OTUD7A: variants seen among roughly 807,000 people sequenced by gnomAD.
OTUD7A encodes the protein OTU deubiquitinase 7A.
Under a neutral mutation model 65.7 loss-of-function variants are expected in OTUD7A, and 12 were observed. The ratio of observed to expected loss-of-function variants is 0.18; its 90% CI spans 0.12 to 0.30. The LOEUF (loss-of-function observed/expected upper bound fraction) is 0.30. Among genes scored for constraint, OTUD7A ranks in the 10% least tolerant of loss-of-function variants. The pLI is 1.00. For missense variants in OTUD7A, 1,148 were observed against 1,304.8 expected, an observed-to-expected ratio of 0.88 and a Z score of 1.85; for synonymous variants, 641 against 586.3, an observed-to-expected ratio of 1.09 and a Z score of -1.35.
At chr15:31,588,936 C>T (rs1889630849) in intron 3 of OTUD7A, among the ~76,000 whole-genome samples, 1 of 152,224 alleles carries the variant, frequency 6.6e-6, no homozygotes, top group Non-Finnish European at 1.5e-5. Flanking sequence ...CCTCCTCAGG[C>T]AGCCTATGAT....
intron 5 of OTUD7A, 64 bp from the exon 6 acceptor site, chr15:31,530,872 C>T: frequency 7.4e-7 from 1 of 1,360,324 alleles, no homozygotes; most frequent in Non-Finnish European, 1.0e-6. Flanking sequence ...GGGGTGTTTG[C>T]TAAGGAGGCA....
rs746991793 is a variant in OTUD7A at position 31,481,741 on chromosome 15, GCC to G, written c.*1551_*1552del. Reference sequence around the variant, plus strand: ...TCAAACAAGTAAAAAAAATCCCCTCGCCCCCCCTTTTTTTTTGTTTTTGCTGC... The same window carrying G: ...TCAAACAAGTAAAAAAAATCCCCTCGCCCCCTTTTTTTTTGTTTTTGCTGC... On this transcript the variant is annotated 3_prime_UTR_variant, in exon 13 of 13. Transcript: ENST00000307050. 2 of 150,754 alleles carry G rather than the reference GCC, an allele frequency of 1.3e-5. No individual in the cohort carries two copies. The highest frequency in any genetic ancestry group is 1.3e-4 in the Admixed American group (2 of 15,134). 9.3% of individuals were successfully genotyped at this position (150,754 alleles called of 1,614,324 possible). A position where few individuals can be genotyped will look rare whatever the true frequency, so the allele number is the denominator to read the frequency against.
intron 1 of OTUD7A, among the ~76,000 whole-genome samples, chr15:31,742,757 C>T (rs755246266): frequency 1.3e-5 from 2 of 151,824 alleles, no homozygotes; most frequent in African/African-American, 2.4e-5. Context: ...ACATAGGTAG[C>T]GCGAATGAAA....
intron 1 of OTUD7A, among the ~76,000 whole-genome samples, chr15:31,790,161 A>G (rs571660736): frequency 8.1e-4 from 123 of 152,312 alleles, no homozygotes; most frequent in Non-Finnish European, 1.5e-3. Flanking sequence ...GTCAGGAACA[A>G]CAGCAACCAG....
chr15:31,635,068 G>C (rs1255109548), intron 3 of OTUD7A, among the ~76,000 whole-genome samples: 1 of 152,176 alleles, frequency 6.6e-6, no homozygotes, highest in Non-Finnish European at 1.5e-5. Flanking sequence ...GTCCTTAGTG[G>C]TTCTTGGTTT....
intron 1 of OTUD7A, among the ~76,000 whole-genome samples, chr15:31,662,282 C>T (rs1292495238): frequency 1.3e-5 from 2 of 152,200 alleles, no homozygotes; most frequent in South Asian, 2.1e-4. Flanking sequence ...GTGGTAGACA[C>T]CTAATAGAAA....
At chr15:31,581,929 A>T (rs1889385140) in intron 3 of OTUD7A, among the ~76,000 whole-genome samples, 1 of 152,190 alleles carries the variant, frequency 6.6e-6, no homozygotes, top group African/African-American at 2.4e-5. Flanking sequence ...TCAGACTGCA[A>T]ATTTTCCAAA....
chr15:31,624,606 A>G (rs577459979), intron 3 of OTUD7A, among the ~76,000 whole-genome samples: 9 of 152,340 alleles, frequency 5.9e-5, no homozygotes, highest in Admixed American at 1.3e-4. Flanking sequence ...AATATTCATA[A>G]CTGTCCTCTG....
chr15:31,643,565 C>T (rs1464666455), intron 3 of OTUD7A, among the ~76,000 whole-genome samples: 2 of 152,102 alleles, frequency 1.3e-5, no homozygotes, highest in African/African-American at 4.8e-5. Context: ...GTTATAATAA[C>T]TTTTAGTGCC....
In OTUD7A at chr15:31,484,163, C is replaced by T; in HGVS notation, c.1933G>A (p.Ala645Thr). The T allele has an allele frequency of 1.9e-6, 3 of 1,610,360 alleles. No individual in the cohort carries two copies. The highest frequency in any genetic ancestry group is 2.5e-6 in the Non-Finnish European group (3 of 1,179,526). The change falls in exon 13 of 13, where the codon GCC becomes ACC. Residue 645 changes from alanine (A) to threonine (T), a missense_variant. Transcript: ENST00000307050. The surrounding 1 kb of genome is among the most constrained non-coding windows in gnomAD (Gnocchi z 4.5). Reference protein sequence around the residue: ...AMQGERKFIFAGLLLTSHRHQ... With the variant: ...AMQGERKFIFTGLLLTSHRHQ... ...CGGTGGCTGGTGAGCAGCAGGCCGG[C>T]GAAGATGAACTTGCGCTCCCCCTGC...
At position 31,484,843 on chromosome 15, in the gene OTUD7A, C is replaced by T; in HGVS notation, c.1372-119G>A. 6.9e-7 allele frequency: 1 copy of T among 1,458,854 alleles called. No homozygotes were observed. Among genetic ancestry groups the T allele is most frequent in the East Asian group, 2.5e-5 (1 of 40,490 alleles). 90.4% of individuals were successfully genotyped at this position (1,458,854 alleles called of 1,614,324 possible). Reference sequence around the variant, plus strand: ...GCTAGGGCCCTGGACCTTCACTGTCCCAGTCCCCACTGTCGCTCTGGTGAC... The same window carrying T: ...GCTAGGGCCCTGGACCTTCACTGTCTCAGTCCCCACTGTCGCTCTGGTGAC... On this transcript the variant is annotated intron_variant, in intron 12 of 12. Transcript: ENST00000307050. This position sits in a 1 kb window ranked among gnomAD's most constrained non-coding sequence, Gnocchi z 4.5.
intron 1 of OTUD7A, among the ~76,000 whole-genome samples, chr15:31,663,489 G>A (rs113305841): frequency 7.8e-6 from 1 of 128,916 alleles, no homozygotes; most frequent in African/African-American, 3.0e-5. Flanking sequence ...CTGTGTCCAT[G>A]TGTTCTCATT....
At chr15:31,679,691 C>T (rs1892669029) in intron 1 of OTUD7A, among the ~76,000 whole-genome samples, 1 of 152,204 alleles carries the variant, frequency 6.6e-6, no homozygotes. Context: ...CTGAGGACTC[C>T]TCAGCCATGC....
Position 31,817,275 on chromosome 15 carries a change from GC to G in OTUD7A, c.-100+53231del, listed in dbSNP as rs71424623. Among the ~76,000 whole-genome samples the G allele has an allele frequency of 3.0e-4, 43 of 143,674 alleles. No homozygotes were observed. In the South Asian group the frequency reaches 4.0e-3, roughly 13 times the overall value. 94.3% of individuals were successfully genotyped at this position (143,674 alleles called of 152,430 possible). A position where few individuals can be genotyped will look rare whatever the true frequency, so the allele number is the denominator to read the frequency against. ...TGTATTACACCACCCTAGATCATTT[GC>G]CCCCCCCCATCACTCATGGCTTATC... On this transcript the variant is annotated intron_variant, in intron 1 of 12. Transcript: ENST00000307050.
At chr15:31,640,092 T>A (rs1891466219) in intron 3 of OTUD7A, among the ~76,000 whole-genome samples, 1 of 152,196 alleles carries the variant, frequency 6.6e-6, no homozygotes, top group South Asian at 2.1e-4. Context: ...TAAGACAAGG[T>A]TAAAAAGATT....
At chr15:31,730,720 C>T (rs984907452) in intron 1 of OTUD7A, among the ~76,000 whole-genome samples, 1 of 152,194 alleles carries the variant, frequency 6.6e-6, no homozygotes, top group African/African-American at 2.4e-5. Flanking sequence ...GGGCAGGATA[C>T]TCAGGCTTCC....
chr15:31,792,316 G>A (rs969388546), intron 1 of OTUD7A, among the ~76,000 whole-genome samples: 6 of 152,052 alleles, frequency 3.9e-5, no homozygotes, highest in Non-Finnish European at 2.9e-5. Context: ...CACAGAAACC[G>A]GATGCCATCA....
intron 1 of OTUD7A, among the ~76,000 whole-genome samples, chr15:31,831,242 A>C (rs7170850): frequency 0.098 from 14,850 of 152,268 alleles, 1,220 homozygotes; most frequent in East Asian, 0.47. Flanking sequence ...AGCATAGGCA[A>C]AAGTTTCTTA....
At chr15:31,782,627 C>T (rs999782102) in intron 1 of OTUD7A, among the ~76,000 whole-genome samples, 2 of 152,142 alleles carry the variant, frequency 1.3e-5, no homozygotes, top group African/African-American at 4.8e-5. Flanking sequence ...TGGCCAGAGG[C>T]GCTGGGACCC....
Sources: gnomAD v4.1 joint callset for allele counts (sites outside exome capture counted in the v4.1 genomes callset) on GRCh38, gnomAD v4.1.1 for gene constraint, Gnocchi (gnomAD v3.1) non-coding constraint, MANE v1.5 for transcripts, NCBI Gene and HGNC (gene_info 2026-07-23, HGNC 2026-07-21) for gene names.